UGCG: variants seen among roughly 807,000 people sequenced by gnomAD.
The protein encoded by UGCG is UDP-glucose ceramide glucosyltransferase, also known as ceramide glucosyltransferase.
In UGCG, 10 loss-of-function variants were observed where a neutral mutation model predicts 49.5. The ratio of observed to expected loss-of-function variants is 0.20; its 90% CI spans 0.12 to 0.34. The LOEUF is 0.34. Among genes scored for constraint, UGCG ranks in the 10% least tolerant of loss-of-function variants. The pLI is 1.00. For missense variants in UGCG, 312 were observed against 483.7 expected, an observed-to-expected ratio of 0.65 and a Z score of 3.33; for synonymous variants, 182 against 158.2, an observed-to-expected ratio of 1.15 and a Z score of -1.13.
intron 2 of UGCG, among the ~76,000 whole-genome samples, chr9:111,921,902 C>G (rs921946666): frequency 2.1e-5 from 3 of 145,310 alleles, no homozygotes; most frequent in South Asian, 2.2e-4. Flanking sequence ...GCCTCAACCT[C>G]CTGGGCTCAA....
intron 1 of UGCG, among the ~76,000 whole-genome samples, chr9:111,908,869 C>T (rs1197934396): frequency 1.3e-5 from 2 of 152,094 alleles, no homozygotes; most frequent in Non-Finnish European, 2.9e-5. Flanking sequence ...TATAATACTG[C>T]CCCACTTTAA....
At chr9:111,924,469 T>C (rs1204869952) in intron 3 of UGCG, among the ~76,000 whole-genome samples, 4 of 152,168 alleles carry the variant, frequency 2.6e-5, no homozygotes, top group African/African-American at 9.6e-5. Flanking sequence ...ACATTGTTGT[T>C]ACCTATAGTT....
At chr9:111,910,189 T>C (rs1480596314) in intron 1 of UGCG, among the ~76,000 whole-genome samples, 1 of 152,228 alleles carries the variant, frequency 6.6e-6, no homozygotes, top group Non-Finnish European at 1.5e-5. Context: ...TACCAAAATG[T>C]AATCGCCTCT....
At chr9:111,914,472 A>T in intron 1 of UGCG, 133 bp from the exon 2 acceptor site, 3 of 873,416 alleles carry the variant, frequency 3.4e-6, no homozygotes, top group Non-Finnish European at 5.1e-6. Flanking sequence ...TCATGTTTAG[A>T]TCCTCTTTTA....
At chr9:111,921,828 T>TTTTTTTTTTTTTTTTTTTTTTG (rs1838227949) in intron 2 of UGCG, among the ~76,000 whole-genome samples, 2 of 134,396 alleles carry the variant, frequency 1.5e-5, no homozygotes, top group South Asian at 2.4e-4. Flanking sequence ...TTTTTTTTTT[T>TTTTTTTTTTTTTTTTTTTTTTG]GAGGCAGGGT....
At chr9:111,902,106 C>G (rs1460593077) in intron 1 of UGCG, among the ~76,000 whole-genome samples, 1 of 152,074 alleles carries the variant, frequency 6.6e-6, no homozygotes, top group Non-Finnish European at 1.5e-5. Flanking sequence ...TTTTTTCTTT[C>G]TCTTCCTTCT....
At chr9:111,928,962 G>C (rs1668988524) in intron 5 of UGCG, among the ~76,000 whole-genome samples, 8 of 152,054 alleles carry the variant, frequency 5.3e-5, no homozygotes, top group Admixed American at 5.2e-4. Context: ...AAATTGGGAA[G>C]AATCTTAGTG....
chr9:111,911,966 A>C (rs1399683921), intron 1 of UGCG, among the ~76,000 whole-genome samples: 1 of 99,058 alleles, frequency 1.0e-5, no homozygotes, highest in Non-Finnish European at 2.1e-5. Flanking sequence ...ATTCAACAGG[A>C]TATATATATA....
chr9:111,934,953 G>A lies in UGCG; in HGVS notation c.*1956G>A, dbSNP rs952141864. 1 of 152,206 alleles carries A rather than the reference G, an allele frequency of 6.6e-6. No homozygotes were observed. The highest frequency in any genetic ancestry group is 1.5e-5 in the Non-Finnish European group (1 of 68,040). The allele number at this position is 152,206 out of a possible 1,614,324, so 9.4% of individuals were successfully genotyped here. A position where few individuals can be genotyped will look rare whatever the true frequency, so the allele number is the denominator to read the frequency against. On this transcript the variant is annotated 3_prime_UTR_variant, in exon 9 of 9. Transcript: ENST00000374279. ...TGTACTTGTTGGTCTGTTTAATGAA[G>A]TTTGGTTGATGCCATCCTTTGCACT...
intron 2 of UGCG, 75 bp downstream of exon 2, chr9:111,914,821 T>C (rs1564200983): frequency 2.0e-5 from 31 of 1,578,690 alleles, no homozygotes; most frequent in Non-Finnish European, 2.2e-5. Context: ...TTAGGGATTT[T>C]AACACTGTAT....
chr9:111,923,484 A>G (rs1838262771), intron 3 of UGCG, among the ~76,000 whole-genome samples: 1 of 152,160 alleles, frequency 6.6e-6, no homozygotes, highest in Non-Finnish European at 1.5e-5. Flanking sequence ...TTATTAGCTT[A>G]AAATGCAAAT....
At chr9:111,902,230 C>G (rs551151044) in intron 1 of UGCG, among the ~76,000 whole-genome samples, 1 of 152,278 alleles carries the variant, frequency 6.6e-6, no homozygotes, top group African/African-American at 2.4e-5. Flanking sequence ...TATTTGTTTT[C>G]TATGGTGGTG....
intron 5 of UGCG, 87 bp from the exon 6 acceptor site, chr9:111,929,413 T>TA (rs1235543941): frequency 2.3e-5 from 32 of 1,380,394 alleles, no homozygotes; most frequent in African/African-American, 1.3e-4. Flanking sequence ...ATCATACTTA[T>TA]AAAAAAACCA....
chr9:111,930,992 C>T (rs571513853), intron 6 of UGCG, among the ~76,000 whole-genome samples: 1 of 152,188 alleles, frequency 6.6e-6, no homozygotes, highest in South Asian at 2.1e-4. Context: ...GGAGCCCTCT[C>T]CATTTTTTTT....
chr9:111,914,080 G>T (rs868741047), intron 1 of UGCG, among the ~76,000 whole-genome samples: 22 of 152,080 alleles, frequency 1.4e-4, no homozygotes, highest in African/African-American at 4.8e-4. Context: ...ATAATTTTCT[G>T]CTGCAGACGG....
In UGCG at chr9:111,896,946, A is replaced by C. The variant is rs7871397; in HGVS notation, c.-270A>C. 0.11 allele frequency: 21,709 copies of C among 192,806 alleles called. 1,650 individuals carry two copies. Among genetic ancestry groups the C allele is most frequent in the African/African-American group, 0.22 (9,203 of 42,308 alleles). The allele number at this position is 192,806 out of a possible 1,614,324, so 11.9% of individuals were successfully genotyped here. On this transcript the variant is annotated 5_prime_UTR_variant, in exon 1 of 9. Transcript: ENST00000374279. ...CGGGAGAGGCGAACCGGAGCGCGGG[A>C]CCGCGGTCGCCCCGACCAGAGCCGG...
Position 111,896,892 on chromosome 9 carries a change from C to T in UGCG, c.-324C>T, listed in dbSNP as rs117634485. 0.1 allele frequency: 15,961 copies of T among 159,370 alleles called. 1,271 individuals carry two copies. The highest frequency in any genetic ancestry group is 0.21 in the African/African-American group (8,866 of 41,612). The allele number at this position is 159,370 out of a possible 1,614,324, so 9.9% of individuals were successfully genotyped here. A position where few individuals can be genotyped will look rare whatever the true frequency, so the allele number is the denominator to read the frequency against. On this transcript the variant is annotated 5_prime_UTR_variant, in exon 1 of 9. Coordinates refer to ENST00000374279, the MANE Select transcript of UGCG (RefSeq NM_003358.3). ...CGGAGAGGCGGCGGAGGTGCCCGCG[C>T]GCAGGGTCTGGTGGGCGGCCGCGAG... is the stretch of plus-strand genomic sequence containing the variant.
chr9:111,929,313 G>T, intron 5 of UGCG, 187 bp from the exon 6 acceptor site: 1 of 460,878 alleles, frequency 2.2e-6, no homozygotes, highest in South Asian at 5.2e-5. Flanking sequence ...TGCATTTTTA[G>T]CTTACTAACT....
chr9:111,910,023 A>G (rs1837966558), intron 1 of UGCG, among the ~76,000 whole-genome samples: 1 of 152,254 alleles, frequency 6.6e-6, no homozygotes, highest in Admixed American at 6.5e-5. Flanking sequence ...CCATAAACCT[A>G]GAGAGGGCTT....
Sources: gnomAD v4.1 joint callset for allele counts (sites outside exome capture counted in the v4.1 genomes callset) on GRCh38, gnomAD v4.1.1 for gene constraint, MANE v1.5 for transcripts, NCBI Gene and HGNC (gene_info 2026-07-23, HGNC 2026-07-21) for gene names.